OTUD7A: variants seen among roughly 807,000 people sequenced by gnomAD.
The protein encoded by OTUD7A is OTU domain-containing protein 7A.
In OTUD7A, 12 loss-of-function variants were observed where a neutral mutation model predicts 65.7. The observed-to-expected ratio is 0.18, with a 90% CI of 0.12 to 0.30. The LOEUF (loss-of-function observed/expected upper bound fraction) is 0.30. Ranked by LOEUF, OTUD7A falls within the 10% of genes least tolerant of loss-of-function variation. The pLI, the probability that OTUD7A is intolerant of heterozygous loss-of-function variation, is 1.00. For missense variants in OTUD7A, 1,148 were observed against 1,304.8 expected (o/e 0.88, Z 1.85); for synonymous variants, 641 against 586.3 (o/e 1.09, Z -1.35).
At chr15:31,510,423 A>G (rs1595567689) in intron 8 of OTUD7A, among the ~76,000 whole-genome samples, 1 of 146,716 alleles carries the variant, frequency 6.8e-6, no homozygotes, top group Non-Finnish European at 1.5e-5. Context: ...GCAGGAGTGG[A>G]GCTTAGTCTT....
intron 1 of OTUD7A, among the ~76,000 whole-genome samples, chr15:31,677,027 C>T (rs1298971246): frequency 2.0e-5 from 3 of 152,218 alleles, no homozygotes; most frequent in African/African-American, 7.2e-5. Context: ...CATTTCTTGG[C>T]CTCCCAAGGC....
intron 1 of OTUD7A, among the ~76,000 whole-genome samples, chr15:31,837,883 A>T (rs1244893945): frequency 1.3e-5 from 2 of 152,256 alleles, no homozygotes; most frequent in Admixed American, 6.5e-5. Context: ...AAGGCTTATT[A>T]AGTAACTATA....
chr15:31,763,430 A>C (rs1486100448), intron 1 of OTUD7A, among the ~76,000 whole-genome samples: 2 of 152,210 alleles, frequency 1.3e-5, no homozygotes, highest in African/African-American at 4.8e-5. Flanking sequence ...AAATGGCAGA[A>C]TGGAGATAGC....
At chr15:31,833,380 A>T (rs1028046297) in intron 1 of OTUD7A, among the ~76,000 whole-genome samples, 2 of 152,226 alleles carry the variant, frequency 1.3e-5, no homozygotes, top group Non-Finnish European at 2.9e-5. Context: ...TGGTTATTAG[A>T]AACTAAACAG....
intron 3 of OTUD7A, among the ~76,000 whole-genome samples, chr15:31,615,294 T>C (rs976366832): frequency 3.3e-5 from 5 of 152,294 alleles, no homozygotes; most frequent in African/African-American, 1.2e-4. Context: ...AAATATATCA[T>C]GCAAACACTA....
At chr15:31,514,501 T>G (rs1351244683) in intron 8 of OTUD7A, among the ~76,000 whole-genome samples, 1 of 152,242 alleles carries the variant, frequency 6.6e-6, no homozygotes, top group East Asian at 1.9e-4. Flanking sequence ...TCTCAATATT[T>G]ATAGAAAACC....
At chr15:31,634,370 C>T (rs1021202897) in intron 3 of OTUD7A, among the ~76,000 whole-genome samples, 5 of 152,196 alleles carry the variant, frequency 3.3e-5, no homozygotes, top group African/African-American at 1.2e-4. Context: ...GCCATGACCT[C>T]GCGTTGGGTG....
intron 3 of OTUD7A, among the ~76,000 whole-genome samples, chr15:31,604,914 G>A (rs1244076775): frequency 6.6e-6 from 1 of 152,172 alleles, no homozygotes; most frequent in Non-Finnish European, 1.5e-5. Context: ...ATGAGACTCC[G>A]GGTCTAACTG....
chr15:31,569,154 C>T (rs907984968), intron 4 of OTUD7A, among the ~76,000 whole-genome samples: 3 of 152,298 alleles, frequency 2.0e-5, no homozygotes, highest in Middle Eastern at 3.4e-3. Flanking sequence ...GCTAGAAACA[C>T]ACATGTGTTG....
At chr15:31,833,377 T>C (rs1384918792) in intron 1 of OTUD7A, among the ~76,000 whole-genome samples, 4 of 152,248 alleles carry the variant, frequency 2.6e-5, no homozygotes, top group Admixed American at 2.6e-4. Context: ...TTCTGGTTAT[T>C]AGAAACTAAA....
At chr15:31,574,201 AAG>A (rs1889136636) in intron 3 of OTUD7A, among the ~76,000 whole-genome samples, 1 of 152,212 alleles carries the variant, frequency 6.6e-6, no homozygotes, top group African/African-American at 2.4e-5. Context: ...GTGGTTAAAA[AAG>A]TAACCATTAA....
At chr15:31,794,665 T>C (rs1270214357) in intron 1 of OTUD7A, among the ~76,000 whole-genome samples, 1 of 150,808 alleles carries the variant, frequency 6.6e-6, no homozygotes, top group Non-Finnish European at 1.5e-5. Flanking sequence ...TTTATGGGAC[T>C]TACATTTGAG....
intron 1 of OTUD7A, among the ~76,000 whole-genome samples, chr15:31,730,469 C>G (rs769667688): frequency 2.0e-5 from 3 of 152,222 alleles, no homozygotes; most frequent in Non-Finnish European, 2.9e-5. Context: ...TCAAAGGCAT[C>G]AAATTCCCTC....
chr15:31,870,332 G>GC (rs968468856), intron 1 of OTUD7A, among the ~76,000 whole-genome samples, 175 bp downstream of exon 1: 8 of 146,520 alleles, frequency 5.5e-5, no homozygotes, highest in Admixed American at 5.4e-4. Flanking sequence ...CGGGGCCCGC[G>GC]CCCCCCGCGT....
chr15:31,539,905 T>C (rs926132945), intron 5 of OTUD7A, among the ~76,000 whole-genome samples: 8 of 152,220 alleles, frequency 5.3e-5, no homozygotes, highest in African/African-American at 1.2e-4. Context: ...GGAAATGGCA[T>C]GTGGGTTTAC....
At chr15:31,735,097 C>T (rs546184385) in intron 1 of OTUD7A, among the ~76,000 whole-genome samples, 8 of 152,152 alleles carry the variant, frequency 5.3e-5, no homozygotes, top group Admixed American at 5.2e-4. Context: ...TGAACAGACA[C>T]TTCTCAAAAG....
At chr15:31,788,520 A>G (rs1422293986) in intron 1 of OTUD7A, among the ~76,000 whole-genome samples, 1 of 152,216 alleles carries the variant, frequency 6.6e-6, no homozygotes, top group East Asian at 1.9e-4. Flanking sequence ...TAACCTACTC[A>G]AGGATACAGG....
At chr15:31,657,599 G>C (rs1474057340) in intron 1 of OTUD7A, among the ~76,000 whole-genome samples, 3 of 150,782 alleles carry the variant, frequency 2.0e-5, no homozygotes, top group African/African-American at 7.3e-5. Flanking sequence ...CTGACCTTGT[G>C]ATCCGCTCAC....
chr15:31,769,395 C>G (rs1895173387), intron 1 of OTUD7A, among the ~76,000 whole-genome samples: 1 of 152,180 alleles, frequency 6.6e-6, no homozygotes, highest in African/African-American at 2.4e-5. Context: ...ACCTGGAATA[C>G]AGTTGGGCAG....
Sources: allele counts gnomAD v4.1 joint callset (sites outside exome capture counted in the v4.1 genomes callset), GRCh38; gene constraint gnomAD v4.1.1; transcripts MANE v1.5; gene names NCBI Gene and HGNC (gene_info 2026-07-23, HGNC 2026-07-21).